RASSF2: variants seen among roughly 807,000 people sequenced by gnomAD.
RASSF2 encodes the protein ras association domain-containing protein 2.
In RASSF2, 34 loss-of-function variants were observed where a neutral mutation model predicts 46.3. The observed-to-expected ratio is 0.73, with a 90% CI of 0.56 to 0.98. The LOEUF (loss-of-function observed/expected upper bound fraction) is 0.98, where lower values mean the gene tolerates loss of function less well. Ranked by LOEUF, RASSF2 falls within the 50% of genes least tolerant of loss-of-function variation. The pLI, the probability that RASSF2 is intolerant of heterozygous loss-of-function variation, is 0.00. For synonymous variants in RASSF2, 158 were observed against 162.5 expected, an observed-to-expected ratio of 0.97 and a Z score of 0.21; for missense variants, 364 against 431.2, an observed-to-expected ratio of 0.84 and a Z score of 1.38.
At chr20:4,818,242 A>G (rs867010373) in intron 2 of RASSF2, among the ~76,000 whole-genome samples, 10 of 151,902 alleles carry the variant, frequency 6.6e-5, no homozygotes, top group African/African-American at 2.2e-4. Context: ...ATTCCAGCCT[A>G]GGCAACAGAG....
chr20:4,810,826 C>T (rs1927727016), intron 2 of RASSF2, among the ~76,000 whole-genome samples: 1 of 152,160 alleles, frequency 6.6e-6, no homozygotes, highest in Non-Finnish European at 1.5e-5. Context: ...GTCTCTGAGA[C>T]AGGCTTGGGG....
intron 1 of RASSF2, among the ~76,000 whole-genome samples, chr20:4,822,790 C>T (rs1184902020): frequency 6.6e-6 from 1 of 152,134 alleles, no homozygotes; most frequent in Non-Finnish European, 1.5e-5. Flanking sequence ...CGCGCCGCCT[C>T]CCCGCGCCGG....
intron 2 of RASSF2, among the ~76,000 whole-genome samples, chr20:4,807,777 G>C (rs1927458397): frequency 6.6e-6 from 1 of 152,020 alleles, no homozygotes; most frequent in African/African-American, 2.4e-5. Context: ...ACATTTCTTG[G>C]GAAAAAAGTG....
chr20:4,806,710 A>C (rs1927365038), intron 2 of RASSF2, among the ~76,000 whole-genome samples: 1 of 152,052 alleles, frequency 6.6e-6, no homozygotes, highest in Non-Finnish European at 1.5e-5. Flanking sequence ...AGCCTCCCAA[A>C]GTGCTGGGAT....
chr20:4,788,042 C>A (rs1925521320), intron 9 of RASSF2, among the ~76,000 whole-genome samples, 175 bp downstream of exon 9: 1 of 152,078 alleles, frequency 6.6e-6, no homozygotes, highest in Non-Finnish European at 1.5e-5. Context: ...TGTTTACTGG[C>A]CATATAAGGC....
At chr20:4,786,368 A>G (rs766794182) in intron 10 of RASSF2, 40 bp from the exon 11 acceptor site, 4 of 1,446,550 alleles carry the variant, frequency 2.8e-6, no homozygotes, top group Non-Finnish European at 3.9e-6. Context: ...TGCCCTTCCC[A>G]GCATTATTCC....
At position 4,787,675 on chromosome 20, in the gene RASSF2, C is replaced by A; in HGVS notation, c.771G>T (p.Val257=). The change falls in exon 10 of 12, where the codon GTG becomes GTT. Residue 257 remains valine, a synonymous_variant. Transcript: ENST00000379400. The part of the protein sequence containing the change: ...LQGPCEQISK[V]FLMEKDQVEE... ...CCACCTGGTCCTTCTCCATTAGGAA[C>A]ACTTTGGAGATCTGCTCACATGGGC... The A allele has an allele frequency of 6.2e-7, 1 of 1,614,158 alleles. No individual in the cohort carries two copies. The highest frequency in any genetic ancestry group is 8.5e-7 in the Non-Finnish European group (1 of 1,180,040).
At chr20:4,808,501 T>C (rs964159709) in intron 2 of RASSF2, among the ~76,000 whole-genome samples, 1 of 151,420 alleles carries the variant, frequency 6.6e-6, no homozygotes, top group South Asian at 2.1e-4. Flanking sequence ...TTTTTTTTTT[T>C]TTTGAGACAG....
chr20:4,783,986 C>A lies in RASSF2; in HGVS notation c.*287G>T. On this transcript the variant is annotated 3_prime_UTR_variant, in exon 12 of 12. Coordinates refer to ENST00000379400, the MANE Select transcript of RASSF2 (RefSeq NM_014737.3). ...TACATGTGAAAGTATCAGGTAGGCACATGGACACGTACCATGTGTGCACAC... is the reference window on the plus strand; with the variant it reads ...TACATGTGAAAGTATCAGGTAGGCAAATGGACACGTACCATGTGTGCACAC... 1 of 372,310 alleles carries A rather than the reference C, an allele frequency of 2.7e-6. No individual in the cohort carries two copies. Among genetic ancestry groups the A allele is most frequent in the Non-Finnish European group, 5.0e-6 (1 of 201,150 alleles). 23.1% of individuals were successfully genotyped at this position (372,310 alleles called of 1,614,324 possible). A position where few individuals can be genotyped will look rare whatever the true frequency, so the allele number is the denominator to read the frequency against.
rs758816530 is a variant in RASSF2, at chr20:4,790,557, C to A, written c.431G>T (p.Arg144Leu). The A allele has an allele frequency of 6.5e-6, 10 of 1,538,236 alleles. No individual in the cohort carries two copies. Among genetic ancestry groups the A allele is most frequent in the Non-Finnish European group, 8.7e-6 (10 of 1,150,524 alleles). The part of the protein sequence containing the change: ...QEDTPQLMRT[R>L]SDVGVRRRGN... ...ACGGCGACGCACCCCAACATCACTG[C>A]GTGTGCGCATCAGCTGTGGGGTGTC... The change falls in exon 7 of 12, where the codon CGC becomes CTC. Residue 144 changes from arginine to leucine, a missense_variant. By Grantham distance (102) the Arg-to-Leu change is moderately radical. Coordinates refer to ENST00000379400, the MANE Select transcript of RASSF2 (RefSeq NM_014737.3). This position sits in a 1 kb window ranked among gnomAD's most constrained non-coding sequence, Gnocchi z 4.3.
chr20:4,819,561 T>A lies in RASSF2; in HGVS notation c.-33+2768A>T, dbSNP rs543562443. ...TGGAGTATTTGCACACCTTCTCCCA[T>A]CAGTCATTGGTTGAGACCAGTGGAA... On this transcript the variant is annotated intron_variant, in intron 2 of 11. Coordinates refer to ENST00000379400, the MANE Select transcript of RASSF2 (RefSeq NM_014737.3). Among the ~76,000 whole-genome samples, 180 of 152,234 alleles carry A rather than the reference T, an allele frequency of 1.2e-3. 1 individual carries two copies. The highest frequency in any genetic ancestry group is 2.0e-3 in the Non-Finnish European group (134 of 68,000).
chr20:4,803,893 T>C (rs1007871039), intron 2 of RASSF2, among the ~76,000 whole-genome samples: 1 of 151,934 alleles, frequency 6.6e-6, no homozygotes, highest in African/African-American at 2.4e-5. Flanking sequence ...ATCCCATCTC[T>C]ACAAAAAATA....
In RASSF2 at chr20:4,795,570, C is replaced by T. The variant is rs550278830; in HGVS notation, c.287+245G>A. On this transcript the variant is annotated intron_variant, in intron 5 of 11. Coordinates refer to ENST00000379400, the MANE Select transcript of RASSF2 (RefSeq NM_014737.3). The surrounding 1 kb of genome is among the most constrained non-coding windows in gnomAD (Gnocchi z 4.0). ...AGGACTCTGACTCAGCAGCTCCCCT[C>T]GTATGACTCAGCAGCTCCCCTCCTG... 2.0e-5 allele frequency: 8 copies of T among 400,384 alleles called. No homozygotes were observed. The highest frequency in any genetic ancestry group is 1.3e-3 in the Middle Eastern group (2 of 1,544). The allele number at this position is 400,384 out of a possible 1,614,324, so 24.8% of individuals were successfully genotyped here. A position where few individuals can be genotyped will look rare whatever the true frequency, so the allele number is the denominator to read the frequency against.
At chr20:4,822,841 C>T (rs1188984921) in intron 1 of RASSF2, among the ~76,000 whole-genome samples, 1 of 152,152 alleles carries the variant, frequency 6.6e-6, no homozygotes, top group African/African-American at 2.4e-5. Flanking sequence ...TAGAAGACGG[C>T]GGCGGACTGG....
intron 2 of RASSF2, among the ~76,000 whole-genome samples, chr20:4,807,996 A>G (rs905661531): frequency 3.3e-5 from 5 of 152,254 alleles, no homozygotes; most frequent in South Asian, 4.1e-4. Flanking sequence ...CAGCAGCAGC[A>G]CTAACAGAGG....
chr20:4,792,845 G>A (rs1926017120), intron 5 of RASSF2: 5 of 858,280 alleles, frequency 5.8e-6, no homozygotes, highest in African/African-American at 5.1e-5. Flanking sequence ...GGTGGGGCAG[G>A]GGGAGTTCCG....
chr20:4,785,155 C>CAAAAAAAAAAAAAAAAAGAAA (rs1925202497), intron 11 of RASSF2, among the ~76,000 whole-genome samples: 1 of 92,572 alleles, frequency 1.1e-5, no homozygotes, highest in African/African-American at 4.1e-5. Flanking sequence ...ACTAAAAATA[C>CAAAAAAAAAAAAAAAAAGAAA]AAAAAAAAAA....
At chr20:4,803,525 A>G (rs1217636719) in intron 2 of RASSF2, among the ~76,000 whole-genome samples, 1 of 152,102 alleles carries the variant, frequency 6.6e-6, no homozygotes, top group Non-Finnish European at 1.5e-5. Flanking sequence ...AAGCCGAGGC[A>G]GGAGGATCAT....
chr20:4,822,993 C>A (rs1013089223), intron 1 of RASSF2, among the ~76,000 whole-genome samples: 10 of 152,162 alleles, frequency 6.6e-5, no homozygotes, highest in Non-Finnish European at 1.0e-4. Flanking sequence ...GGAAGGACGC[C>A]CCCAGGGGTC....
Sources: gnomAD v4.1 joint callset for allele counts (sites outside exome capture counted in the v4.1 genomes callset) on GRCh38, gnomAD v4.1.1 for gene constraint, Gnocchi (gnomAD v3.1) non-coding constraint, MANE v1.5 for transcripts, NCBI Gene and HGNC (gene_info 2026-07-23, HGNC 2026-07-21) for gene names.